Variants in FAM117A observed in about 807,000 individuals in gnomAD.
The protein encoded by FAM117A is family with sequence similarity 117 member A, also known as protein FAM117A.
Under a neutral mutation model 44.1 loss-of-function variants are expected in FAM117A, and 21 were observed. The observed-to-expected ratio is 0.48, with a 90% CI of 0.34 to 0.69. The LOEUF is 0.69. Ranked by LOEUF, FAM117A falls within the 30% of genes least tolerant of loss-of-function variation. FAM117A has a pLI of 0.01. For missense variants in FAM117A, 498 were observed against 589.9 expected, an observed-to-expected ratio of 0.84 and a Z score of 1.61; for synonymous variants, 220 against 238.3, an observed-to-expected ratio of 0.92 and a Z score of 0.71.
chr17:49,754,528 T>G (rs1440569321), intron 1 of FAM117A, among the ~76,000 whole-genome samples: 2 of 151,584 alleles, frequency 1.3e-5, no homozygotes, highest in Non-Finnish European at 2.9e-5. Context: ...ATGGTCTCGA[T>G]CTCCTGACGT....
Position 49,719,867 on chromosome 17 carries a change from A to C in FAM117A, c.601T>G (p.Ser201Ala). Reference sequence around the variant, plus strand: ...CAGGGGCTGAGTCGCAAGACAGGGGACCCTGAGGGGAAGCTGGGAGGGGAC... The same window carrying C: ...CAGGGGCTGAGTCGCAAGACAGGGGCCCCTGAGGGGAAGCTGGGAGGGGAC... ...RASPPSFPSG[S>A]PVLRLSPCLH... Residue 201 changes from serine to alanine, a missense_variant, in exon 5 of 8, where the codon TCC becomes GCC. Transcript: ENST00000240364. 1.2e-6 allele frequency: 2 copies of C among 1,605,874 alleles called. No individual in the cohort carries two copies. Among genetic ancestry groups the C allele is most frequent in the Middle Eastern group, 1.7e-4 (1 of 6,034 alleles).
At chr17:49,733,759 A>G (rs1352354423) in intron 1 of FAM117A, among the ~76,000 whole-genome samples, 1 of 152,172 alleles carries the variant, frequency 6.6e-6, no homozygotes, top group African/African-American at 2.4e-5. Context: ...GAAACTGTGG[A>G]TAAAATGTAA....
At chr17:49,734,092 G>A (rs1336288324) in intron 1 of FAM117A, among the ~76,000 whole-genome samples, 2 of 147,298 alleles carry the variant, frequency 1.4e-5, no homozygotes, top group East Asian at 4.1e-4. Flanking sequence ...GCAGTGAGTC[G>A]AGATCACGCC....
chr17:49,783,273 A>T (rs563112323), intron 1 of FAM117A, among the ~76,000 whole-genome samples: 107 of 152,236 alleles, frequency 7.0e-4, no homozygotes, highest in Non-Finnish European at 1.3e-3. Flanking sequence ...TGTCTTCATC[A>T]TAAGACAGCT....
At position 49,714,648 on chromosome 17, in the gene FAM117A, T is replaced by TC. The variant is rs1265365966; in HGVS notation, c.1061+1516dup. Among the ~76,000 whole-genome samples the TC allele has an allele frequency of 2.1e-5, 3 of 143,146 alleles. No homozygotes were observed. In the South Asian group the frequency reaches 6.7e-4, roughly 32 times the overall value. The allele number at this position is 143,146 out of a possible 152,430, so 93.9% of individuals were successfully genotyped here. A position where few individuals can be genotyped will look rare whatever the true frequency, so the allele number is the denominator to read the frequency against. On this transcript the variant is annotated intron_variant, in intron 7 of 7. Transcript: ENST00000240364. Reference sequence around the variant, plus strand: ...CCACTGCACCCAGCTGATCACCACTTCCTTTTTTTTTTTTTTGAGATGGAG... The same window carrying TC: ...CCACTGCACCCAGCTGATCACCACTTCCCTTTTTTTTTTTTTTGAGATGGAG...
At position 49,717,509 on chromosome 17, in the gene FAM117A, T is replaced by C; in HGVS notation, c.910+4A>G. On this transcript the variant is annotated splice_donor_region_variant and intron_variant, in intron 6 of 7. Coordinates refer to ENST00000240364, the MANE Select transcript of FAM117A (RefSeq NM_030802.4). ...GCCCTGCTGCCTCAGCCTTCGCGGC[T>C]TACCTTTGTCGTTGGGGGTGGATGC... The C allele has an allele frequency of 6.2e-7, 1 of 1,613,730 alleles. No homozygotes were observed. Among genetic ancestry groups the C allele is most frequent in the South Asian group, 1.1e-5 (1 of 91,048 alleles).
At chr17:49,767,822 G>A (rs1180605298), upstream of FAM117A, among the ~76,000 whole-genome samples, 1 of 152,092 alleles carries the variant, frequency 6.6e-6, no homozygotes, top group Non-Finnish European at 1.5e-5. Flanking sequence ...AGAATTGCTT[G>A]AACCCAGGAG....
chr17:49,770,448 G>A (rs188955566), intron 1 of FAM117A, among the ~76,000 whole-genome samples: 4 of 152,166 alleles, frequency 2.6e-5, no homozygotes, highest in African/African-American at 4.8e-5. Context: ...GTCCAGAAAC[G>A]CAAATTTATA....
intron 7 of FAM117A, among the ~76,000 whole-genome samples, chr17:49,713,080 G>A (rs1282449807): frequency 6.6e-6 from 1 of 152,124 alleles, no homozygotes; most frequent in Admixed American, 6.5e-5. Flanking sequence ...AGAGATGGGA[G>A]TCTCACTATG....
intron 1 of FAM117A, among the ~76,000 whole-genome samples, chr17:49,752,550 G>A (rs1011683947): frequency 3.3e-5 from 5 of 152,116 alleles, no homozygotes; most frequent in African/African-American, 1.2e-4. Flanking sequence ...TTTCCTGTAA[G>A]ATCCATCTTC....
rs74758051 is a variant in FAM117A, at chr17:49,723,526, C to T, written c.367-932G>A. ...TCCAAGGGAGGGGCCCAAGGGGGAA[C>T]GCTCCAGTGGAACCAGTTTCTCTCT... On this transcript the variant is annotated intron_variant, in intron 2 of 7. Transcript: ENST00000240364. Among the ~76,000 whole-genome samples the T allele has an allele frequency of 3.0e-3, 455 of 152,314 alleles. 2 individuals carry two copies. The highest frequency in any genetic ancestry group is 4.8e-3 in the Non-Finnish European group (325 of 68,032).
chr17:49,748,313 G>A (rs1266473651), intron 1 of FAM117A, among the ~76,000 whole-genome samples: 1 of 152,174 alleles, frequency 6.6e-6, no homozygotes, highest in Admixed American at 6.5e-5. Context: ...CAGTTATGAT[G>A]GTCCTCTCTG....
intron 1 of FAM117A, among the ~76,000 whole-genome samples, chr17:49,751,303 G>A (rs944817496): frequency 6.1e-5 from 9 of 146,690 alleles, no homozygotes; most frequent in Middle Eastern, 3.6e-3. Context: ...AAAAAAAGCC[G>A]GGCGCGCTGG....
intron 1 of FAM117A, among the ~76,000 whole-genome samples, chr17:49,786,240 G>A (rs2073805476): frequency 6.6e-6 from 1 of 152,112 alleles, no homozygotes; most frequent in Admixed American, 6.5e-5. Context: ...AAACTCTTTA[G>A]TGTCAGCTGC....
At chr17:49,741,459 C>T (rs9898058) in intron 1 of FAM117A, among the ~76,000 whole-genome samples, 14,920 of 152,208 alleles carry the variant, frequency 0.098, 978 homozygotes, top group Middle Eastern at 0.16. Flanking sequence ...TCTCCATGCA[C>T]GAGCCTGCAT....
chr17:49,781,461 A>G (rs923520715), intron 1 of FAM117A, among the ~76,000 whole-genome samples: 2 of 152,214 alleles, frequency 1.3e-5, no homozygotes, highest in Admixed American at 6.5e-5. Context: ...AGGAAAGGAA[A>G]GAAGCAATAT....
intron 1 of FAM117A, among the ~76,000 whole-genome samples, chr17:49,784,317 T>G (rs2073798810): frequency 6.6e-6 from 1 of 152,176 alleles, no homozygotes; most frequent in South Asian, 2.1e-4. Flanking sequence ...CTAAGGCTAT[T>G]TCAGCAGCCT....
At chr17:49,719,967 G>A (rs1407805757) in intron 4 of FAM117A, 73 bp from the exon 5 acceptor site, 12 of 1,525,892 alleles carry the variant, frequency 7.9e-6, no homozygotes, top group Non-Finnish European at 1.0e-5. Context: ...CTGACCAGGG[G>A]TAATGGTCAT....
chr17:49,738,787 A>C (rs1386395761), intron 1 of FAM117A, among the ~76,000 whole-genome samples: 1 of 152,228 alleles, frequency 6.6e-6, no homozygotes, highest in African/African-American at 2.4e-5. Flanking sequence ...AAGCCTAGGA[A>C]ATAAGGGAGG....
Sources: gnomAD v4.1 joint callset for allele counts (sites outside exome capture counted in the v4.1 genomes callset) on GRCh38, gnomAD v4.1.1 for gene constraint, MANE v1.5 for transcripts, NCBI Gene and HGNC (gene_info 2026-07-23, HGNC 2026-07-21) for gene names.